The following UTRN variants were observed in gnomAD, a reference collection of about 807,000 sequenced individuals.
UTRN encodes dystrophin-related protein 1.
In UTRN, 283 loss-of-function variants were observed where a neutral mutation model predicts 463.9. The observed-to-expected ratio is 0.61, with a 90% CI of 0.55 to 0.67. The LOEUF (loss-of-function observed/expected upper bound fraction) is 0.67. Among genes scored for constraint, UTRN ranks in the 30% least tolerant of loss-of-function variants. The pLI, the probability that UTRN is intolerant of heterozygous loss-of-function variation, is 0.00. For synonymous variants in UTRN, 1,442 were observed against 1,431.5 expected, an observed-to-expected ratio of 1.01 and a Z score of -0.17; for missense variants, 3,922 against 4,084.3, an observed-to-expected ratio of 0.96 and a Z score of 1.08.
chr6:144,678,308 G>A, intron 51 of UTRN, 98 bp from the exon 52 acceptor site: 1 of 1,152,850 alleles, frequency 8.7e-7, no homozygotes, highest in Non-Finnish European at 1.2e-6. Context: ...ATAATTTAAG[G>A]TGAAATGAAC....
intron 3 of UTRN, among the ~76,000 whole-genome samples, chr6:144,419,374 A>G (rs1458010155): frequency 2.0e-5 from 3 of 152,172 alleles, no homozygotes. Flanking sequence ...TTCAGATATG[A>G]ATAAGTAACA....
rs572093987 is a variant in UTRN, at chr6:144,531,875, C to A, written c.6057+673C>A. 4.6e-5 allele frequency among the ~76,000 whole-genome samples: 7 copies of A among 152,276 alleles called. No homozygotes were observed. In the South Asian group the frequency reaches 6.2e-4, roughly 14 times the overall value. Reference sequence around the variant, plus strand: ...TAATGTGGCCGGGCGCGGTGCCTCACACTTGTAATCCCAGCATTTTGGGAG... The same window carrying A: ...TAATGTGGCCGGGCGCGGTGCCTCAAACTTGTAATCCCAGCATTTTGGGAG... On this transcript the variant is annotated intron_variant, in intron 42 of 74. Coordinates refer to ENST00000367545, the MANE Select transcript of UTRN (RefSeq NM_007124.3).
chr6:144,704,956 A>T (rs537470147), intron 53 of UTRN, among the ~76,000 whole-genome samples: 2 of 152,292 alleles, frequency 1.3e-5, no homozygotes, highest in South Asian at 4.1e-4. Context: ...GTGAGACTCC[A>T]TCTCAAAAAC....
At chr6:144,788,076 C>T (rs555475347) in intron 61 of UTRN, among the ~76,000 whole-genome samples, 1 of 152,118 alleles carries the variant, frequency 6.6e-6, no homozygotes, top group South Asian at 2.1e-4. Flanking sequence ...TAAGAAAACT[C>T]TTTGGTTTTA....
chr6:144,643,547 A>G (rs1777977423), intron 51 of UTRN, among the ~76,000 whole-genome samples: 1 of 152,190 alleles, frequency 6.6e-6, no homozygotes, highest in Admixed American at 6.5e-5. Flanking sequence ...CTGTAATCCC[A>G]GCACTTTGGG....
intron 51 of UTRN, among the ~76,000 whole-genome samples, chr6:144,579,401 A>G (rs567666358): frequency 1.3e-5 from 2 of 152,304 alleles, no homozygotes; most frequent in South Asian, 4.1e-4. Context: ...TAATTTCAGT[A>G]GCTATCTAGG....
At chr6:144,840,939 C>A in intron 73 of UTRN, 107 bp downstream of exon 73, 6 of 1,137,446 alleles carry the variant, frequency 5.3e-6, no homozygotes, top group Admixed American at 2.1e-5. Context: ...AACCTTATTA[C>A]AAACAGGACT....
intron 49 of UTRN, 79 bp downstream of exon 49, chr6:144,554,972 C>G: frequency 7.0e-7 from 1 of 1,423,100 alleles, no homozygotes; most frequent in East Asian, 2.5e-5. Context: ...TAATTCTTAA[C>G]AATAGGACCC....
intron 50 of UTRN, among the ~76,000 whole-genome samples, chr6:144,576,020 CT>C: frequency 6.6e-6 from 1 of 152,232 alleles, no homozygotes; most frequent in South Asian, 2.1e-4. Context: ...ATATCTGGCC[CT>C]TTGTGTTTAA....
At chr6:144,664,341 A>T (rs917011882) in intron 51 of UTRN, among the ~76,000 whole-genome samples, 2 of 152,134 alleles carry the variant, frequency 1.3e-5, no homozygotes, top group African/African-American at 4.8e-5. Context: ...TTGAAATGCG[A>T]TAATTTTTCT....
At chr6:144,307,162 G>A (rs371946384) in intron 2 of UTRN, among the ~76,000 whole-genome samples, 4 of 152,194 alleles carry the variant, frequency 2.6e-5, no homozygotes, top group African/African-American at 9.6e-5. Context: ...GATGGTAGAT[G>A]ACGGCAGCGG....
chr6:144,701,380 T>A (rs540504548), intron 53 of UTRN, among the ~76,000 whole-genome samples: 1 of 152,336 alleles, frequency 6.6e-6, no homozygotes, highest in South Asian at 2.1e-4. Context: ...TTATGTGTTT[T>A]ACTTTTCTGA....
At chr6:144,836,233 C>T (rs994546340) in intron 70 of UTRN, 68 bp from the exon 71 acceptor site, 95 of 1,600,302 alleles carry the variant, frequency 5.9e-5, no homozygotes, top group Non-Finnish European at 7.0e-5. Flanking sequence ...ATTTGAACCT[C>T]ACAGACGATT....
Position 144,429,752 on chromosome 6 carries a change from C to T in UTRN, c.855+11C>T, listed in dbSNP as rs767196907. ...GCAATTAATATACAGGTACAGGTAA[C>T]ATTTTATTAAGATGTTTGGCTTGCC... On this transcript the variant is annotated intron_variant, in intron 9 of 74. Coordinates refer to ENST00000367545, the MANE Select transcript of UTRN (RefSeq NM_007124.3). 6.2e-7 allele frequency: 1 copy of T among 1,600,442 alleles called. No individual in the cohort carries two copies. Among genetic ancestry groups the T allele is most frequent in the Non-Finnish European group, 8.5e-7 (1 of 1,176,044 alleles).
intron 2 of UTRN, among the ~76,000 whole-genome samples, chr6:144,292,325 C>A (rs1804316655): frequency 6.6e-6 from 1 of 152,206 alleles, no homozygotes; most frequent in Non-Finnish European, 1.5e-5. Context: ...CATCCCTGTT[C>A]ATAGCCATTG....
chr6:144,595,479 A>C (rs1803550128), intron 51 of UTRN, among the ~76,000 whole-genome samples: 1 of 152,196 alleles, frequency 6.6e-6, no homozygotes, highest in Non-Finnish European at 1.5e-5. Context: ...ATGCAGGGTC[A>C]GTTCATTTTT....
intron 2 of UTRN, among the ~76,000 whole-genome samples, chr6:144,323,746 T>G (rs1371480526): frequency 1.3e-5 from 2 of 152,236 alleles, no homozygotes. Flanking sequence ...TACAAGCTTC[T>G]TGACTGCCAG....
chr6:144,403,439 C>T (rs1435634797), intron 3 of UTRN, among the ~76,000 whole-genome samples: 3 of 152,090 alleles, frequency 2.0e-5, no homozygotes, highest in Admixed American at 6.6e-5. Context: ...TAGCTGCTTT[C>T]GATTCTGTGA....
chr6:144,740,219 G>A (rs181789854), intron 54 of UTRN, among the ~76,000 whole-genome samples: 5 of 152,216 alleles, frequency 3.3e-5, no homozygotes, highest in African/African-American at 4.8e-5. Context: ...AACTACTTCC[G>A]TAATAATTAG....
Sources: allele counts gnomAD v4.1 joint callset (sites outside exome capture counted in the v4.1 genomes callset), GRCh38; gene constraint gnomAD v4.1.1; transcripts MANE v1.5; gene names NCBI Gene and HGNC (gene_info 2026-07-23, HGNC 2026-07-21).